The following PATJ variants were observed in gnomAD, a reference collection of about 807,000 sequenced individuals.
The protein encoded by PATJ is PATJ crumbs cell polarity complex component.
PATJ carries 190 observed loss-of-function variants against 224.9 expected under a neutral mutation model. The ratio of observed to expected loss-of-function variants is 0.84; its 90% CI spans 0.75 to 0.95. The LOEUF (loss-of-function observed/expected upper bound fraction) is 0.95. PATJ is among the 40% of genes least tolerant of loss of function. The probability of loss-of-function intolerance (pLI) is 0.00; values close to 1 mark genes in which losing one functional copy is unlikely to be tolerated. For missense variants in PATJ, 2,121 were observed against 2,270.3 expected (o/e 0.93, Z 1.34); for synonymous variants, 769 against 820.3 (o/e 0.94, Z 1.07).
At chr1:61,748,114 C>T (rs1024611670) in intron 1 of PATJ, among the ~76,000 whole-genome samples, 1 of 151,712 alleles carries the variant, frequency 6.6e-6, no homozygotes, top group African/African-American at 2.4e-5. Context: ...CTTCTGACCT[C>T]GTGATCCACC....
At chr1:61,933,551 A>G (rs1676356275) in intron 27 of PATJ, among the ~76,000 whole-genome samples, 1 of 151,978 alleles carries the variant, frequency 6.6e-6, no homozygotes, top group African/African-American at 2.4e-5. Context: ...AAAAAAAAAA[A>G]AAAAGGAAAA....
At chr1:61,763,486 C>T (rs1205713113) in intron 3 of PATJ, among the ~76,000 whole-genome samples, 10 of 148,930 alleles carry the variant, frequency 6.7e-5, no homozygotes, top group African/African-American at 2.5e-4. Context: ...GAGCTATGAT[C>T]ATGCCACTGC....
intron 14 of PATJ, among the ~76,000 whole-genome samples, chr1:61,810,696 CAAAA>C (rs1387818189): frequency 4.8e-5 from 6 of 126,020 alleles, no homozygotes; most frequent in Admixed American, 1.7e-4. Context: ...GACTCTGTCT[CAAAA>C]AATAAATAAA....
intron 26 of PATJ, among the ~76,000 whole-genome samples, chr1:61,919,776 T>C (rs1011983933): frequency 3.9e-5 from 6 of 152,200 alleles, no homozygotes; most frequent in Admixed American, 6.5e-5. Context: ...AGTTTCCACA[T>C]GAATATTTTT....
In PATJ at chr1:61,814,547, T is replaced by TGTGCGCGCGCGC. The variant is rs370488022; in HGVS notation, c.1683+6018_1683+6019insTGCGCGCGCGCG. Reference sequence around the variant, plus strand: ...GTGTGTGTGTGTGTGTGTGTGTGTGTGCGCGCGCGCGCGCATGTATGTGGG... The same window carrying TGTGCGCGCGCGC: ...GTGTGTGTGTGTGTGTGTGTGTGTGTGTGCGCGCGCGCGCGCGCGCGCGCGCATGTATGTGGG... On this transcript the variant is annotated intron_variant, in intron 14 of 43. Transcript: ENST00000642238. Among the ~76,000 whole-genome samples the TGTGCGCGCGCGC allele has an allele frequency of 1.6e-3, 227 of 142,542 alleles. 2 individuals are homozygous for TGTGCGCGCGCGC. The highest frequency in any genetic ancestry group is 5.8e-3 in the African/African-American group (214 of 37,174). 93.5% of individuals were successfully genotyped at this position (142,542 alleles called of 152,430 possible).
At chr1:62,135,337 G>T (rs1666716753) in intron 41 of PATJ, among the ~76,000 whole-genome samples, 1 of 151,504 alleles carries the variant, frequency 6.6e-6, no homozygotes, top group African/African-American at 2.4e-5. Context: ...GGCCAACGTG[G>T]TGAAACCCCC....
chr1:61,822,236 A>G (rs1384671061), intron 14 of PATJ, among the ~76,000 whole-genome samples: 2 of 152,100 alleles, frequency 1.3e-5, no homozygotes, highest in African/African-American at 4.8e-5. Flanking sequence ...AATTCTCAAC[A>G]TAGCGAAACC....
intron 28 of PATJ, among the ~76,000 whole-genome samples, chr1:61,992,096 T>C (rs1337043696): frequency 6.6e-6 from 1 of 151,484 alleles, no homozygotes; most frequent in Admixed American, 6.6e-5. Context: ...CACTAAAGTA[T>C]ACTATGTTCC....
At chr1:61,940,798 TATTTA>T (rs925870573) in intron 27 of PATJ, among the ~76,000 whole-genome samples, 1 of 152,112 alleles carries the variant, frequency 6.6e-6, no homozygotes, top group African/African-American at 2.4e-5. Flanking sequence ...CTAAAATTAT[TATTTA>T]ATTTATTTAA....
rs145720804 is a variant in PATJ, at chr1:61,956,350, C to T, written c.3670+28521C>T. On this transcript the variant is annotated intron_variant, in intron 27 of 43. Transcript: ENST00000642238. The stretch of plus-strand genomic sequence containing the variant: ...TTGACCTAAGTAAGATGGAAATGTA[C>T]GAGCATTTTGTTAAAGGTTTTGAAT... Among the ~76,000 whole-genome samples, 826 of 152,214 alleles carry T rather than the reference C, an allele frequency of 5.4e-3. 5 individuals carry two copies. The highest frequency in any genetic ancestry group is 0.027 in the Middle Eastern group (8 of 294).
At chr1:61,972,805 A>T (rs1460863957) in intron 27 of PATJ, among the ~76,000 whole-genome samples, 1 of 152,048 alleles carries the variant, frequency 6.6e-6, no homozygotes, top group East Asian at 1.9e-4. Context: ...AATTTTCAGG[A>T]GGTCAACAGG....
At chr1:62,104,417 G>A (rs1426347496) in intron 33 of PATJ, among the ~76,000 whole-genome samples, 2 of 151,810 alleles carry the variant, frequency 1.3e-5, no homozygotes, top group Non-Finnish European at 2.9e-5. Context: ...GTTTTCTTTT[G>A]AATTCACGAG....
intron 37 of PATJ, chr1:62,120,962 C>G: frequency 2.2e-6 from 1 of 455,420 alleles, no homozygotes; most frequent in Non-Finnish European, 3.8e-6. Flanking sequence ...TACAAAAGCA[C>G]ACATAATGGA....
At chr1:62,052,817 T>A (rs531394537) in intron 31 of PATJ, among the ~76,000 whole-genome samples, 8 of 152,054 alleles carry the variant, frequency 5.3e-5, no homozygotes, top group Non-Finnish European at 1.2e-4. Flanking sequence ...TAGAGTGCAT[T>A]TTTGCACTAC....
intron 27 of PATJ, among the ~76,000 whole-genome samples, chr1:61,966,205 T>C (rs1682114648): frequency 6.6e-6 from 1 of 151,864 alleles, no homozygotes; most frequent in Admixed American, 6.6e-5. Context: ...TGGTCTATTA[T>C]TTATGTTGAA....
chr1:62,091,203 T>G (rs1267225277), intron 33 of PATJ, among the ~76,000 whole-genome samples: 1 of 152,188 alleles, frequency 6.6e-6, no homozygotes, highest in Admixed American at 6.5e-5. Flanking sequence ...TCTATGCATT[T>G]TCCTTCCCTG....
chr1:62,138,898 T>C (rs2457817), intron 41 of PATJ, among the ~76,000 whole-genome samples: 48,656 of 151,876 alleles, frequency 0.32, 9,131 homozygotes, highest in Non-Finnish European at 0.44. Context: ...CCCTGTGCCT[T>C]CCCCAGAAGG....
Position 62,079,519 on chromosome 1 carries a change from G to GC in PATJ, c.4196dup (p.Pro1400ThrfsTer67). ...CTTCAGTTCACAAGAGATACCATTA[G>GC]CACCAGCTTCATCATACCATTCAAC... On this transcript the variant is annotated frameshift_variant, in exon 32 of 44. Coordinates refer to ENST00000642238, the MANE Select transcript of PATJ (RefSeq NM_001350145.3). LOFTEE classifies it high-confidence loss of function. 6.2e-7 allele frequency: 1 copy of GC among 1,613,684 alleles called. No homozygotes were observed. Among genetic ancestry groups the GC allele is most frequent in the Non-Finnish European group, 8.5e-7 (1 of 1,179,652 alleles).
intron 25 of PATJ, among the ~76,000 whole-genome samples, chr1:61,912,654 A>T (rs1365938443): frequency 8.5e-6 from 1 of 117,092 alleles, no homozygotes. Context: ...AGAGAGAGGG[A>T]GGGAAGGAAG....
Sources: gnomAD v4.1 joint callset for allele counts (sites outside exome capture counted in the v4.1 genomes callset) on GRCh38, gnomAD v4.1.1 for gene constraint, MANE v1.5 for transcripts, NCBI Gene and HGNC (gene_info 2026-07-23, HGNC 2026-07-21) for gene names.